The following RS1 variants were observed in gnomAD, a reference collection of about 807,000 sequenced individuals.
The protein encoded by RS1 is retinoschisin.
In RS1, 2 loss-of-function variants were observed where a neutral mutation model predicts 20.8. That is an observed-to-expected ratio of 0.10 (90% CI 0.04 to 0.30). The LOEUF (loss-of-function observed/expected upper bound fraction) is 0.30, where lower values mean the gene tolerates loss of function less well. Ranked by LOEUF, RS1 falls within the 10% of genes least tolerant of loss-of-function variation. The pLI, the probability that RS1 is intolerant of heterozygous loss-of-function variation, is 1.00. For synonymous variants in RS1, 70 were observed against 75.8 expected, an observed-to-expected ratio of 0.92 and a Z score of 0.40; for missense variants, 151 against 189.8, an observed-to-expected ratio of 0.80 and a Z score of 1.20.
intron 5 of RS1, among the ~76,000 whole-genome samples, chrX:18,642,378 A>G (rs1382180392): frequency 8.9e-6 from 1 of 111,852 alleles, no homozygotes; most frequent in Non-Finnish European, 1.9e-5. Context: ...CCACTAGCCA[A>G]TATGTCTGTT....
At chrX:18,669,091 C>G (rs1238786025) in intron 1 of RS1, among the ~76,000 whole-genome samples, 1 of 111,201 alleles carries the variant, frequency 9.0e-6, no homozygotes, top group African/African-American at 3.3e-5. Context: ...TAAACATGAC[C>G]AAGTAATGAA....
rs1927549012 is a variant in RS1 at position 18,640,869 on chromosome X, C to T, written c.*1135G>A. The T allele has an allele frequency of 8.9e-6, 1 of 112,755 alleles. No individual in the cohort carries two copies. The highest frequency in any genetic ancestry group is 1.9e-5 in the Non-Finnish European group (1 of 53,266). 9.3% of individuals were successfully genotyped at this position (112,755 alleles called of 1,213,427 possible). On this transcript the variant is annotated 3_prime_UTR_variant, in exon 6 of 6. Transcript: ENST00000379984. ...AAGGGGCCTGGAAACTCAGGCTGCG[C>T]TCTAAGTGGCCAATGAGGCCTCCCA... is the stretch of plus-strand genomic sequence containing the variant.
intron 1 of RS1, 124 bp downstream of exon 1, chrX:18,671,893 G>T: frequency 3.2e-6 from 2 of 625,090 alleles, no homozygotes; most frequent in Non-Finnish European, 5.2e-6. Flanking sequence ...ACACATGTTA[G>T]TTAATTAACG....
chrX:18,646,803 AAT>A (rs1434823045), intron 4 of RS1, among the ~76,000 whole-genome samples: 1 of 111,823 alleles, frequency 8.9e-6, no homozygotes, highest in African/African-American at 3.3e-5. Context: ...CCACAGGTCA[AAT>A]ATGTTTTCCT....
chrX:18,643,156 A>G, intron 5 of RS1, among the ~76,000 whole-genome samples: 1 of 111,458 alleles, frequency 9.0e-6, no homozygotes, highest in South Asian at 3.9e-4. Context: ...TGTAACATAA[A>G]AACATGCTGT....
intron 4 of RS1, chrX:18,645,897 C>T (rs1203863620): frequency 1.7e-6 from 2 of 1,167,988 alleles, no homozygotes; most frequent in Non-Finnish European, 1.2e-6. Context: ...GCCCCCTAAC[C>T]AAACTCTGGT....
rs761903178 is a variant in RS1, at chrX:18,671,902, C to T, written c.52+115G>A. ...TTAATAACACATGTTAGTTAATTAA[C>T]GTGTTGCTAATTAATAATATTTATA... On this transcript the variant is annotated intron_variant, in intron 1 of 5. Transcript: ENST00000379984. 1.7e-5 allele frequency: 11 copies of T among 663,874 alleles called. 1 individual carries two copies. Among genetic ancestry groups the T allele is most frequent in the African/African-American group, 1.5e-4 (7 of 45,182 alleles). The allele number at this position is 663,874 out of a possible 1,213,427, so 54.7% of individuals were successfully genotyped here. A position where few individuals can be genotyped will look rare whatever the true frequency, so the allele number is the denominator to read the frequency against.
chrX:18,671,993 T>G, intron 1 of RS1, 24 bp downstream of exon 1: 1 of 1,172,458 alleles, frequency 8.5e-7, no homozygotes, highest in Non-Finnish European at 1.2e-6. Flanking sequence ...ATGCAATGAA[T>G]GTCAATGGTT....
At chrX:18,647,379 A>G (rs1210958228) in intron 3 of RS1, 47 bp from the exon 4 acceptor site, 3 of 1,179,992 alleles carry the variant, frequency 2.5e-6, no homozygotes, top group Non-Finnish European at 3.5e-6. Flanking sequence ...TCAATACTCA[A>G]CAAGCACCAG....
chrX:18,655,986 CTTTTTTT>C (rs56213978), intron 3 of RS1, among the ~76,000 whole-genome samples: 20 of 50,819 alleles, frequency 3.9e-4, no homozygotes, highest in African/African-American at 1.2e-3. Context: ...TTTTCTTTTC[CTTTTTTT>C]TTTTTTTTTT....
intron 1 of RS1, among the ~76,000 whole-genome samples, chrX:18,659,299 C>T (rs746826365): frequency 9.6e-4 from 106 of 110,348 alleles, no homozygotes; most frequent in Non-Finnish European, 1.8e-3. Flanking sequence ...CATGCTGAAA[C>T]CCTGTCTCTA....
intron 1 of RS1, 103 bp from the exon 2 acceptor site, chrX:18,657,768 G>A: frequency 1.5e-6 from 1 of 665,488 alleles, no homozygotes; most frequent in Admixed American, 2.3e-5. Context: ...TCACATGAAA[G>A]CTACCAACAC....
intron 5 of RS1, among the ~76,000 whole-genome samples, chrX:18,644,143 T>C (rs1447724787): frequency 1.8e-5 from 2 of 112,163 alleles, no homozygotes; most frequent in African/African-American, 3.2e-5. Context: ...TGAGTTGAAA[T>C]AGTCCAAATG....
intron 1 of RS1, among the ~76,000 whole-genome samples, chrX:18,667,678 G>C (rs991407440): frequency 9.0e-6 from 1 of 111,564 alleles, no homozygotes; most frequent in Non-Finnish European, 1.9e-5. Flanking sequence ...TCACTGAAGA[G>C]AGTCTGGTCT....
At chrX:18,661,492 C>T (rs1339870461) in intron 1 of RS1, among the ~76,000 whole-genome samples, 8 of 111,946 alleles carry the variant, frequency 7.1e-5, no homozygotes, top group Non-Finnish European at 1.3e-4. Flanking sequence ...CCATTAGACT[C>T]GTCTCCCTGC....
intron 1 of RS1, among the ~76,000 whole-genome samples, chrX:18,666,686 G>T (rs1928409946): frequency 9.0e-6 from 1 of 111,465 alleles, no homozygotes; most frequent in Non-Finnish European, 1.9e-5. Flanking sequence ...AGGGAGAGAA[G>T]ATGCTGGCTT....
intron 1 of RS1, among the ~76,000 whole-genome samples, chrX:18,669,366 C>T (rs1928453688): frequency 9.3e-6 from 1 of 107,848 alleles, no homozygotes; most frequent in African/African-American, 3.4e-5. Context: ...TGGCACACGT[C>T]TGTAATCCCA....
At chrX:18,669,971 G>C (rs1484997881) in intron 1 of RS1, among the ~76,000 whole-genome samples, 3 of 111,920 alleles carry the variant, frequency 2.7e-5, no homozygotes, top group Admixed American at 9.5e-5. Context: ...TCTGCTCTTC[G>C]TGGACATTTC....
chrX:18,642,919 C>A (rs1381365600), intron 5 of RS1, among the ~76,000 whole-genome samples: 1 of 110,892 alleles, frequency 9.0e-6, no homozygotes, highest in Non-Finnish European at 1.9e-5. Flanking sequence ...TGGCAGGTGC[C>A]TGTAAATCCC....
Sources: gnomAD v4.1 joint callset for allele counts (sites outside exome capture counted in the v4.1 genomes callset) on GRCh38, gnomAD v4.1.1 for gene constraint, MANE v1.5 for transcripts, NCBI Gene and HGNC (gene_info 2026-07-23, HGNC 2026-07-21) for gene names.